The following ARHGAP30 variants were observed in gnomAD, a reference collection of about 807,000 sequenced individuals.
The protein encoded by ARHGAP30 is rho GTPase-activating protein 30.
In ARHGAP30, 23 loss-of-function variants were observed where a neutral mutation model predicts 72.0. That is an observed-to-expected ratio of 0.32 (90% confidence interval 0.23 to 0.45). The LOEUF (loss-of-function observed/expected upper bound fraction) is 0.45. Ranked by LOEUF, ARHGAP30 falls within the 20% of genes least tolerant of loss-of-function variation. The pLI is 1.00. For missense variants in ARHGAP30, 1,319 were observed against 1,383.4 expected (o/e 0.95, Z 0.74); for synonymous variants, 576 against 528.2 (o/e 1.09, Z -1.24).
At position 161,048,874 on chromosome 1, in the gene ARHGAP30, T is replaced by A; in HGVS notation, c.2147A>T (p.Lys716Met). 1 of 1,614,184 alleles carries A rather than the reference T, an allele frequency of 6.2e-7. No individual in the cohort carries two copies. The highest frequency in any genetic ancestry group is 1.3e-5 in the African/African-American group (1 of 75,038). The part of the protein sequence containing the change: ...REGSREETEA[K>M]EEKSKGQKKA... ...CTTCTGACCTTTGGACTTCTCTTCC[T>A]TGGCCTCTGTCTCTTCCCTACTCCC... The change falls in exon 12 of 12, where the codon AAG (lysine) becomes ATG (methionine). Residue 716 changes from lysine (K) to methionine (M), a missense_variant. By Grantham distance (95) the Lys-to-Met change is moderately conservative. Around this residue, in one of 2 missense-constraint regions of ARHGAP30, gnomAD observed 1,097 missense variants for 1,045.2 expected, o/e 1.05. Transcript: ENST00000368013.
At position 161,069,479 on chromosome 1, in the gene ARHGAP30, G is replaced by GC. The variant is rs1356429681; in HGVS notation, c.97+48dup. On this transcript the variant is annotated intron_variant, in intron 1 of 11. Transcript: ENST00000368013. The surrounding 1 kb of genome is among the most constrained non-coding windows in gnomAD (Gnocchi z 4.9). Reference sequence around the variant, plus strand: ...CTTCAGGCTGGATCGGGCTGCAGATGCCCAGTGCCTCCCCACCCACCCTGC... The same window carrying GC: ...CTTCAGGCTGGATCGGGCTGCAGATGCCCCAGTGCCTCCCCACCCACCCTGC... The GC allele has an allele frequency of 6.4e-7, 1 of 1,563,800 alleles. No homozygotes were observed. Among genetic ancestry groups the GC allele is most frequent in the Admixed American group, 1.7e-5 (1 of 59,800 alleles).
In ARHGAP30 at chr1:161,056,512, C is replaced by T. The variant is rs143165869; in HGVS notation, c.221G>A (p.Arg74Gln). 1.2e-4 allele frequency: 191 copies of T among 1,613,500 alleles called. No homozygotes were observed. Among genetic ancestry groups the T allele is most frequent in the Non-Finnish European group, 1.6e-4 (183 of 1,179,960 alleles). The change falls in exon 3 of 12, where the codon CGG becomes CAG. Residue 74 changes from arginine (R) to glutamine (Q), a missense_variant. By Grantham distance (43) the Arg-to-Gln change is conservative. Around this residue, in one of 2 missense-constraint regions of ARHGAP30, gnomAD observed 222 missense variants for 338.2 expected, o/e 0.66. Transcript: ENST00000368013. ...QKLRQEFESE[R>Q]KPDLRRDVYL... is the part of the protein sequence containing the mutation. Reference sequence around the variant, plus strand: ...AACATCCCGACGCAGGTCTGGCTTCCGCTCTGACTCAAATTCCTGCCTGGG... The same window carrying T: ...AACATCCCGACGCAGGTCTGGCTTCTGCTCTGACTCAAATTCCTGCCTGGG...
At chr1:161,064,918 A>G (rs181882294) in intron 1 of ARHGAP30, among the ~76,000 whole-genome samples, 8 of 150,886 alleles carry the variant, frequency 5.3e-5, no homozygotes, top group Non-Finnish European at 7.4e-5. Flanking sequence ...GGGAAGGAAG[A>G]GAAAAGGAAA....
Position 161,051,674 on chromosome 1 carries a change from G to T in ARHGAP30, c.1060C>A (p.Pro354Thr), listed in dbSNP as rs1651383876. 17 of 1,612,530 alleles carry T rather than the reference G, an allele frequency of 1.1e-5. No individual in the cohort carries two copies. The East Asian group carries it at 3.8e-4, about 36-fold the overall frequency. The stretch of plus-strand genomic sequence containing the variant: ...TTCTCCAAGCTCTCAGGCAGCAATG[G>T]GCTTGGCCGGGGGCTGCTGGGCCCC... ...LVGPSSPRPS[P>T]LLPESLENDS... is the part of the protein sequence containing the mutation. The change falls in exon 10 of 12, where the codon CCA (proline) becomes ACA (threonine). Residue 354 changes from proline (P) to threonine (T), a missense_variant. Coordinates refer to ENST00000368013, the MANE Select transcript of ARHGAP30 (RefSeq NM_001025598.2).
At chr1:161,060,009 C>T in intron 1 of ARHGAP30, 1 of 344,178 alleles carries the variant, frequency 2.9e-6, no homozygotes, top group Admixed American at 3.9e-5. Context: ...AGGCTGGGTG[C>T]AGTGGCTCAC....
chr1:161,052,983 G>A (rs1489721522), intron 6 of ARHGAP30, 186 bp from the exon 7 acceptor site: 8 of 919,470 alleles, frequency 8.7e-6, no homozygotes, highest in Admixed American at 2.9e-5. Context: ...TGGGAGATCC[G>A]AGAACGTTGG....
Position 161,052,538 on chromosome 1 carries a change from T to A in ARHGAP30, c.842A>T (p.Lys281Met). Residue 281 changes from lysine to methionine, a missense_variant, in exon 8 of 12, where the codon AAG (lysine) becomes ATG (methionine). This residue lies in a region of ARHGAP30 where 1,097 missense variants were observed against 1,045.2 expected (regional missense o/e 1.05). Transcript: ENST00000368013. ...TIIEIAEHKR[K>M]GSLKVRKWRS... is the part of the protein sequence containing the mutation. ...CCACTTCCTGACCTTCAAAGACCCC[T>A]TCCTCCTACAAAGAATGGAGGGGCA... The A allele has an allele frequency of 6.2e-7, 1 of 1,613,778 alleles. No homozygotes were observed. The highest frequency in any genetic ancestry group is 8.5e-7 in the Non-Finnish European group (1 of 1,179,972).
In ARHGAP30 at chr1:161,048,757, T is replaced by A. The variant is rs1226381297; in HGVS notation, c.2264A>T (p.Asp755Val). The A allele has an allele frequency of 1.9e-6, 3 of 1,613,926 alleles. No individual in the cohort carries two copies. The highest frequency in any genetic ancestry group is 2.7e-5 in the African/African-American group (2 of 74,840). The change falls in exon 12 of 12, where the codon GAT becomes GTT. Residue 755 changes from aspartate to valine, a missense_variant. Physicochemically the swap from Asp to Val is radical, Grantham distance 152. Transcript: ENST00000368013. ...EKEKEIEREEDEQREEAQVEA... is the reference protein window; with the variant it reads ...EKEKEIEREEVEQREEAQVEA... ...TACCTGGGCTTCCTCTCTTTGTTCA[T>A]CCTCTTCTCTCTCAATTTCTTTTTC...
rs1463822840 is a variant in ARHGAP30, at chr1:161,054,664, C to T, written c.387G>A (p.Lys129=). ...GVQLEPERLV[K]ILEVLRELPV... ...GGAGTTCCCGAAGCACCTCTAGGAT[C>T]TTGACCAAGCGCTCAGGTTCCAATT... The change falls in exon 4 of 12, where the codon AAG becomes AAA. Residue 129 remains lysine (K), a synonymous_variant. Coordinates refer to ENST00000368013, the MANE Select transcript of ARHGAP30 (RefSeq NM_001025598.2). 5.0e-6 allele frequency: 8 copies of T among 1,614,042 alleles called. No homozygotes were observed. Among genetic ancestry groups the T allele is most frequent in the Non-Finnish European group, 6.8e-6 (8 of 1,180,028 alleles).
Position 161,069,495 on chromosome 1 carries a change from C to T in ARHGAP30, c.97+33G>A, listed in dbSNP as rs781450120. On this transcript the variant is annotated intron_variant, in intron 1 of 11. Coordinates refer to ENST00000368013, the MANE Select transcript of ARHGAP30 (RefSeq NM_001025598.2). This position sits in a 1 kb window ranked among gnomAD's most constrained non-coding sequence, Gnocchi z 4.9. ...GCTGCAGATGCCCAGTGCCTCCCCA[C>T]CCACCCTGCAGAAGCTGAGCCGGCC... is the stretch of plus-strand genomic sequence containing the variant. 1 of 1,595,340 alleles carries T rather than the reference C, an allele frequency of 6.3e-7. No individual in the cohort carries two copies.
At chr1:161,065,901 T>A (rs1331617558) in intron 1 of ARHGAP30, among the ~76,000 whole-genome samples, 1 of 149,132 alleles carries the variant, frequency 6.7e-6, no homozygotes, top group Non-Finnish European at 1.5e-5. Flanking sequence ...ATTTATTTAT[T>A]TATTTATTTA....
At chr1:161,052,179 T>G in intron 9 of ARHGAP30, 107 bp downstream of exon 9, 1 of 1,253,558 alleles carries the variant, frequency 8.0e-7, no homozygotes, top group Non-Finnish European at 1.2e-6. Context: ...AGGCACTCAT[T>G]AAATATTTTT....
chr1:161,067,570 A>AAAAG (rs60677751), intron 1 of ARHGAP30, among the ~76,000 whole-genome samples: 7,540 of 148,972 alleles, frequency 0.051, 227 homozygotes, highest in Non-Finnish European at 0.06. Flanking sequence ...TCCATCTCAA[A>AAAAG]AAAGAAAGAA....
chr1:161,069,651 G>C lies in ARHGAP30; in HGVS notation c.-27C>G. 1 of 1,602,734 alleles carries C rather than the reference G, an allele frequency of 6.2e-7. No individual in the cohort carries two copies. The highest frequency in any genetic ancestry group is 8.5e-7 in the Non-Finnish European group (1 of 1,177,392). On this transcript the variant is annotated 5_prime_UTR_variant, in exon 1 of 12. Coordinates refer to ENST00000368013, the MANE Select transcript of ARHGAP30 (RefSeq NM_001025598.2). The surrounding 1 kb of genome is among the most constrained non-coding windows in gnomAD (Gnocchi z 4.9). ...GCCAGAGCCCCAGGGCACTGGCCCG[G>C]TCACCTCTATCCCCCAAGACCTGTG... is the stretch of plus-strand genomic sequence containing the variant.
At chr1:161,065,436 G>A (rs984544934) in intron 1 of ARHGAP30, among the ~76,000 whole-genome samples, 4 of 152,038 alleles carry the variant, frequency 2.6e-5, no homozygotes, top group Admixed American at 2.6e-4. Flanking sequence ...TAAAGTTTTA[G>A]GTTTTGAAAG....
At chr1:161,050,295 CTTTT>C (rs34136308) in intron 10 of ARHGAP30, among the ~76,000 whole-genome samples, 12 of 118,620 alleles carry the variant, frequency 1.0e-4, no homozygotes, top group African/African-American at 3.2e-4. Flanking sequence ...GCACTTGGAC[CTTTT>C]TTTTTTTTTT....
In ARHGAP30 at chr1:161,052,269, T is replaced by C; in HGVS notation, c.1018+17A>G. On this transcript the variant is annotated intron_variant, in intron 9 of 11. Transcript: ENST00000368013. ...TAGCACACACACATACACACAGAAA[T>C]GCACCCCTATACTCACCATCACTGG... is the stretch of plus-strand genomic sequence containing the variant. 6.2e-7 allele frequency: 1 copy of C among 1,613,428 alleles called. No homozygotes were observed. The highest frequency in any genetic ancestry group is 8.5e-7 in the Non-Finnish European group (1 of 1,179,864).
intron 1 of ARHGAP30, among the ~76,000 whole-genome samples, chr1:161,064,812 AAAG>A (rs1557935178): frequency 5.6e-5 from 4 of 71,070 alleles, no homozygotes; most frequent in African/African-American, 8.3e-5. Flanking sequence ...AGAAAGAAAG[AAAG>A]AAAGAAAGAA....
chr1:161,048,495 A>G lies in ARHGAP30; in HGVS notation c.2526T>C (p.Asp842=), dbSNP rs757334224. The G allele has an allele frequency of 6.2e-7, 1 of 1,613,652 alleles. No homozygotes were observed. Among genetic ancestry groups the G allele is most frequent in the Non-Finnish European group, 8.5e-7 (1 of 1,179,878 alleles). The change falls in exon 12 of 12, where the codon GAT becomes GAC. Residue 842 remains aspartate, a synonymous_variant. Transcript: ENST00000368013. ...GEVSKERESG[D]GEAEGDQRAG... Reference sequence around the variant, plus strand: ...CCCTCTGGTCTCCCTCAGCCTCTCCATCCCCACTCTCCCGTTCCTTGCTGA... The same window carrying G: ...CCCTCTGGTCTCCCTCAGCCTCTCCGTCCCCACTCTCCCGTTCCTTGCTGA...
Sources: gnomAD v4.1 joint callset for allele counts (sites outside exome capture counted in the v4.1 genomes callset) on GRCh38, gnomAD v4.1.1 for gene constraint, gnomAD v4.1.1 regional missense constraint, Gnocchi (gnomAD v3.1) non-coding constraint, MANE v1.5 for transcripts, NCBI Gene and HGNC (gene_info 2026-07-23, HGNC 2026-07-21) for gene names.